Variants in PCCA observed in about 807,000 individuals in gnomAD.
PCCA encodes propionyl-CoA carboxylase alpha chain, mitochondrial.
In PCCA, 74 loss-of-function variants were observed where a neutral mutation model predicts 101.3. The observed-to-expected ratio is 0.73, with a 90% CI of 0.61 to 0.89. The LOEUF (loss-of-function observed/expected upper bound fraction) is 0.89, where lower values mean the gene tolerates loss of function less well. Ranked by LOEUF, PCCA falls within the 40% of genes least tolerant of loss-of-function variation. The pLI is 0.00. For synonymous variants in PCCA, 294 were observed against 313.6 expected (o/e 0.94, Z 0.66); for missense variants, 891 against 907.0 (o/e 0.98, Z 0.23).
chr13:100,520,582 C>T (rs1247255848), intron 22 of PCCA, among the ~76,000 whole-genome samples: 4 of 124,834 alleles, frequency 3.2e-5, no homozygotes, highest in African/African-American at 1.2e-4. Flanking sequence ...TTGCAGTGAG[C>T]GGAGATCGCG....
chr13:100,273,036 ATATAT>A (rs2063401751), intron 11 of PCCA, among the ~76,000 whole-genome samples, 155 bp from the exon 12 acceptor site: 1 of 152,248 alleles, frequency 6.6e-6, no homozygotes, highest in Non-Finnish European at 1.5e-5. Flanking sequence ...TATAGTCAAC[ATATAT>A]TATAAAACAT....
chr13:100,403,368 A>T (rs2077480782), intron 19 of PCCA, among the ~76,000 whole-genome samples: 1 of 152,182 alleles, frequency 6.6e-6, no homozygotes, highest in South Asian at 2.1e-4. Context: ...TGAGTAATTT[A>T]TAAGAAAAGA....
chr13:100,139,852 A>G (rs1007030431), intron 4 of PCCA, among the ~76,000 whole-genome samples: 3 of 150,186 alleles, frequency 2.0e-5, no homozygotes, highest in African/African-American at 7.3e-5. Context: ...GGATGTTAAT[A>G]TTTTTGTTTC....
chr13:100,273,848 G>T (rs1475387989), intron 12 of PCCA, among the ~76,000 whole-genome samples: 1 of 152,132 alleles, frequency 6.6e-6, no homozygotes, highest in East Asian at 1.9e-4. Flanking sequence ...TTGGCTTTGG[G>T]GGACATAACT....
chr13:100,149,888 C>G (rs1197573273), intron 4 of PCCA, among the ~76,000 whole-genome samples: 3 of 152,098 alleles, frequency 2.0e-5, no homozygotes, highest in Non-Finnish European at 4.4e-5. Context: ...AACATCTGGC[C>G]TAGCACTTTT....
chr13:100,513,305 C>T (rs1186056307), intron 21 of PCCA, among the ~76,000 whole-genome samples: 2 of 152,192 alleles, frequency 1.3e-5, no homozygotes, highest in African/African-American at 2.4e-5. Context: ...GAGTTTACCC[C>T]GTTGTTATTT....
chr13:100,443,830 T>C (rs2080560694), intron 20 of PCCA, among the ~76,000 whole-genome samples: 1 of 152,190 alleles, frequency 6.6e-6, no homozygotes, highest in Non-Finnish European at 1.5e-5. Context: ...GAATCAGACT[T>C]AGTTCTTCTG....
chr13:100,092,436 G>A (rs2046367099), intron 1 of PCCA, among the ~76,000 whole-genome samples: 1 of 151,296 alleles, frequency 6.6e-6, no homozygotes, highest in Admixed American at 6.6e-5. Context: ...AGGCTGGAGT[G>A]CAGTGGCATG....
intron 22 of PCCA, among the ~76,000 whole-genome samples, chr13:100,526,368 G>T (rs779656813): frequency 1.5e-4 from 23 of 152,226 alleles, no homozygotes; most frequent in Non-Finnish European, 3.1e-4. Context: ...TCTCTCCTCC[G>T]TGCCAGCGCC....
chr13:100,105,844 CAAAAAAAAAAAAAAAAAAA>C (rs71114671), intron 2 of PCCA, among the ~76,000 whole-genome samples: 1 of 62,506 alleles, frequency 1.6e-5, no homozygotes, highest in South Asian at 7.2e-4. Context: ...GATCCTGTCT[CAAAAAAAAAAAAAAAAAAA>C]AAAAAAAAAA....
rs569463340 is a variant in PCCA at position 100,223,822 on chromosome 13, A to G, written c.601-12020A>G. On this transcript the variant is annotated intron_variant, in intron 7 of 23. Coordinates refer to ENST00000376285, the MANE Select transcript of PCCA (RefSeq NM_000282.4). ...TAGCTAGATACAGAGTGTCAACACA[A>G]AGGTTCTCCAAGTCCCCACCAGAGT... Among the ~76,000 whole-genome samples the G allele has an allele frequency of 7.9e-5, 12 of 152,268 alleles. No individual in the cohort carries two copies. In the East Asian group the frequency reaches 2.3e-3, roughly 29 times the overall value.
chr13:100,488,746 C>T (rs917049350), intron 21 of PCCA, among the ~76,000 whole-genome samples: 1 of 151,588 alleles, frequency 6.6e-6, no homozygotes, highest in East Asian at 1.9e-4. Flanking sequence ...TTTGAGCCTG[C>T]AGTGAGCTAG....
intron 21 of PCCA, among the ~76,000 whole-genome samples, chr13:100,459,954 C>T (rs2152940401): frequency 6.6e-6 from 1 of 152,278 alleles, no homozygotes; most frequent in African/African-American, 2.4e-5. Context: ...TCATGGGGCC[C>T]CACCCTCATG....
intron 22 of PCCA, among the ~76,000 whole-genome samples, chr13:100,523,981 C>T (rs770534574): frequency 2.0e-5 from 3 of 152,228 alleles, no homozygotes; most frequent in Non-Finnish European, 2.9e-5. Flanking sequence ...TCTGTGCACC[C>T]AATTAATGCT....
intron 19 of PCCA, among the ~76,000 whole-genome samples, chr13:100,368,815 T>C (rs112206677): frequency 6.6e-6 from 1 of 152,218 alleles, no homozygotes; most frequent in Non-Finnish European, 1.5e-5. Flanking sequence ...CATTTTTCTT[T>C]TATGCTGTGA....
intron 15 of PCCA, among the ~76,000 whole-genome samples, 166 bp from the exon 16 acceptor site, chr13:100,309,667 A>G (rs149339687): frequency 1.4e-3 from 210 of 152,344 alleles, no homozygotes; most frequent in African/African-American, 4.9e-3. Flanking sequence ...TAATATTTAT[A>G]TACTTAAAAA....
chr13:100,506,437 C>T (rs931307216), intron 21 of PCCA, among the ~76,000 whole-genome samples: 1 of 152,084 alleles, frequency 6.6e-6, no homozygotes, highest in African/African-American at 2.4e-5. Context: ...TTTTCTTGGC[C>T]GACGGTCTAC....
intron 18 of PCCA, among the ~76,000 whole-genome samples, chr13:100,346,149 T>C (rs193249821): frequency 1.3e-5 from 2 of 152,328 alleles, no homozygotes; most frequent in East Asian, 3.9e-4. Context: ...TTTTCAAGTC[T>C]TATTATTTAA....
intron 12 of PCCA, among the ~76,000 whole-genome samples, chr13:100,296,406 A>AT (rs1472934082): frequency 6.8e-6 from 1 of 147,604 alleles, no homozygotes; most frequent in Non-Finnish European, 1.5e-5. Context: ...TGCCTGGCTG[A>AT]TTTTTTTGTA....
Sources: allele counts gnomAD v4.1 joint callset (sites outside exome capture counted in the v4.1 genomes callset), GRCh38; gene constraint gnomAD v4.1.1; transcripts MANE v1.5; gene names NCBI Gene and HGNC (gene_info 2026-07-23, HGNC 2026-07-21).